The following PCDHA12 variants were observed in gnomAD, a reference collection of about 807,000 sequenced individuals.
PCDHA12 encodes the protein protocadherin alpha 12.
A neutral mutation model predicts 60.0 loss-of-function variants in PCDHA12; 44 were observed. The observed-to-expected ratio is 0.73, with a 90% CI of 0.58 to 0.94. The LOEUF is 0.94. Among genes scored for constraint, PCDHA12 ranks in the 40% least tolerant of loss-of-function variants. The pLI is 0.00. For missense variants in PCDHA12, 1,276 were observed against 1,239.7 expected (o/e 1.03, Z -0.44); for synonymous variants, 569 against 553.0 (o/e 1.03, Z -0.40).
intron 3 of PCDHA12, among the ~76,000 whole-genome samples, chr5:140,990,966 A>G (rs2097424130): frequency 6.6e-6 from 1 of 152,214 alleles, no homozygotes; most frequent in Non-Finnish European, 1.5e-5. Context: ...GTCTCTTAGA[A>G]CAAGAGAAAG....
At chr5:141,000,376 T>C (rs2097906883) in intron 3 of PCDHA12, among the ~76,000 whole-genome samples, 1 of 58,410 alleles carries the variant, frequency 1.7e-5, no homozygotes, top group Non-Finnish European at 3.2e-5. Flanking sequence ...TCTCTCTCTC[T>C]CTCTCTCTCT....
chr5:140,966,436 G>T, intron 1 of PCDHA12: 1 of 421,750 alleles, frequency 2.4e-6, no homozygotes. Flanking sequence ...CCCTCCTACC[G>T]CTCCCTTTCC....
At chr5:140,990,025 T>C (rs2097371572) in intron 3 of PCDHA12, among the ~76,000 whole-genome samples, 1 of 151,914 alleles carries the variant, frequency 6.6e-6, no homozygotes, top group African/African-American at 2.4e-5. Flanking sequence ...AGGCAAAGGA[T>C]GGGAGAAGTC....
At chr5:140,985,062 T>C (rs2097134097) in intron 3 of PCDHA12, among the ~76,000 whole-genome samples, 1 of 152,058 alleles carries the variant, frequency 6.6e-6, no homozygotes, top group African/African-American at 2.4e-5. Flanking sequence ...CTCAGCCTCC[T>C]GAGTAGCTGA....
At chr5:140,884,390 T>C in intron 1 of PCDHA12, 7 of 1,613,968 alleles carry the variant, frequency 4.3e-6, no homozygotes, top group Middle Eastern at 1.6e-4. Context: ...CTGCGCGGTG[T>C]CCAGCCTGTT....
At chr5:140,898,676 G>C (rs1478380529) in intron 1 of PCDHA12, among the ~76,000 whole-genome samples, 3 of 152,036 alleles carry the variant, frequency 2.0e-5, no homozygotes, top group African/African-American at 4.8e-5. Context: ...GTTGCGGGCT[G>C]TTTTTTGGTT....
At chr5:140,968,288 C>T (rs782056996) in intron 1 of PCDHA12, 16 of 1,613,976 alleles carry the variant, frequency 9.9e-6, no homozygotes, top group Middle Eastern at 1.6e-4. Context: ...GACCTACTCC[C>T]TTCTGGAGAG....
intron 1 of PCDHA12, chr5:140,878,103 GA>G (rs748975221): frequency 2.9e-4 from 75 of 261,846 alleles, no homozygotes; most frequent in African/African-American, 1.3e-3. Context: ...GATGAACCTT[GA>G]AAAAAACAGT....
At chr5:140,943,516 A>T (rs1202948180) in intron 1 of PCDHA12, among the ~76,000 whole-genome samples, 1 of 152,176 alleles carries the variant, frequency 6.6e-6, no homozygotes, top group Admixed American at 6.5e-5. Context: ...GGAAATGTTG[A>T]GTTCAGTATG....
At chr5:140,979,318 T>C (rs2096844474) in intron 2 of PCDHA12, among the ~76,000 whole-genome samples, 1 of 152,196 alleles carries the variant, frequency 6.6e-6, no homozygotes, top group Non-Finnish European at 1.5e-5. Context: ...CTACCTATGC[T>C]TTCTTTTCCT....
intron 1 of PCDHA12, chr5:140,967,283 C>T: frequency 6.2e-7 from 1 of 1,613,158 alleles, no homozygotes; most frequent in Non-Finnish European, 8.5e-7. Context: ...AGAGAGTGCG[C>T]AGGACCCCGA....
intron 3 of PCDHA12, among the ~76,000 whole-genome samples, chr5:140,986,828 G>A (rs1001117075): frequency 3.9e-5 from 6 of 152,146 alleles, no homozygotes; most frequent in Non-Finnish European, 5.9e-5. Flanking sequence ...TTTAGACAAT[G>A]GTTCTCAAAG....
At chr5:140,913,181 T>C (rs2076246657) in intron 1 of PCDHA12, among the ~76,000 whole-genome samples, 1 of 152,208 alleles carries the variant, frequency 6.6e-6, no homozygotes, top group Admixed American at 6.5e-5. Flanking sequence ...TCTTTAAATG[T>C]TTGGTAGAAT....
At chr5:140,990,114 A>G (rs1392233617) in intron 3 of PCDHA12, among the ~76,000 whole-genome samples, 9 of 151,936 alleles carry the variant, frequency 5.9e-5, no homozygotes, top group Admixed American at 4.6e-4. Flanking sequence ...GGAAATTGAG[A>G]GCTCTGTAGA....
intron 1 of PCDHA12, among the ~76,000 whole-genome samples, chr5:140,913,185 G>A (rs1331767738): frequency 2.6e-5 from 4 of 152,166 alleles, no homozygotes; most frequent in African/African-American, 9.7e-5. Flanking sequence ...TAAATGTTTG[G>A]TAGAATTTGG....
intron 1 of PCDHA12, among the ~76,000 whole-genome samples, chr5:140,902,432 C>T (rs566549203): frequency 1.3e-5 from 2 of 152,128 alleles, no homozygotes; most frequent in African/African-American, 4.8e-5. Flanking sequence ...AAGTGGGCAT[C>T]CTTGTCATAT....
chr5:140,968,594 A>G (rs1218717024), intron 1 of PCDHA12: 3 of 1,614,176 alleles, frequency 1.9e-6, no homozygotes, highest in Non-Finnish European at 2.5e-6. Flanking sequence ...AGTCATAGCT[A>G]TGGACTCAGA....
intron 3 of PCDHA12, among the ~76,000 whole-genome samples, chr5:140,984,867 TA>T (rs1251384308): frequency 6.6e-6 from 1 of 152,180 alleles, no homozygotes; most frequent in Non-Finnish European, 1.5e-5. Context: ...ACACCTATTT[TA>T]TTGAGTTACC....
chr5:140,924,921 T>A (rs1167960449), intron 1 of PCDHA12, among the ~76,000 whole-genome samples: 5 of 126,218 alleles, frequency 4.0e-5, no homozygotes, highest in African/African-American at 1.5e-4. Context: ...TAAAATAAAA[T>A]AAAATAAAAT....
Sources: allele counts gnomAD v4.1 joint callset (sites outside exome capture counted in the v4.1 genomes callset), GRCh38; gene constraint gnomAD v4.1.1; transcripts MANE v1.5; gene names NCBI Gene and HGNC (gene_info 2026-07-23, HGNC 2026-07-21).